Variants in MS4A13 observed in about 807,000 individuals in gnomAD.
The protein encoded by MS4A13 is membrane spanning 4-domains A13, also known as membrane-spanning 4-domains subfamily A member 13.
A neutral mutation model predicts 18.4 loss-of-function variants in MS4A13; 21 were observed. The ratio of observed to expected loss-of-function variants is 1.14; its 90% CI spans 0.81 to 1.64. MS4A13 has a LOEUF of 1.64. Among genes scored for constraint, MS4A13 ranks in the 40% most tolerant of loss-of-function variants. The probability of loss-of-function intolerance (pLI) is 0.00; values close to 1 mark genes in which losing one functional copy is unlikely to be tolerated. For synonymous variants in MS4A13, 62 were observed against 57.2 expected, an observed-to-expected ratio of 1.08 and a Z score of -0.38; for missense variants, 173 against 176.8, an observed-to-expected ratio of 0.98 and a Z score of 0.12.
intron 3 of MS4A13, among the ~76,000 whole-genome samples, chr11:60,521,747 A>G (rs2086675069): frequency 6.6e-6 from 1 of 152,206 alleles, no homozygotes. Flanking sequence ...TCTGCCTGTT[A>G]CCCAGTTCCA....
At chr11:60,518,282 G>A (rs759143661) in intron 3 of MS4A13, 70 bp downstream of exon 3, 3 of 1,321,422 alleles carry the variant, frequency 2.3e-6, no homozygotes, top group Non-Finnish European at 3.1e-6. Flanking sequence ...TAGAAGGTAG[G>A]GAACGGTTTC....
chr11:60,525,370 T>G (rs748044854), intron 5 of MS4A13, 44 bp downstream of exon 5: 9 of 1,355,524 alleles, frequency 6.6e-6, no homozygotes, highest in Non-Finnish European at 8.9e-6. Flanking sequence ...TTAAAATTAT[T>G]CTTTTTAATA....
At position 60,518,183 on chromosome 11, in the gene MS4A13, A is replaced by C; in HGVS notation, c.100A>C (p.Lys34Gln). The C allele has an allele frequency of 6.2e-7, 1 of 1,611,686 alleles. No individual in the cohort carries two copies. The highest frequency in any genetic ancestry group is 8.5e-7 in the Non-Finnish European group (1 of 1,178,516). The change falls in exon 3 of 7, where the codon AAA (lysine) becomes CAA (glutamine). Residue 34 changes from lysine (K) to glutamine (Q), a missense_variant. By Grantham distance (53) the Lys-to-Gln change is moderately conservative. Coordinates refer to ENST00000378186, the MANE Select transcript of MS4A13 (RefSeq NM_001012417.3). Reference sequence around the variant, plus strand: ...TGGAACGTATGAACCTGTAACTTACAAAACAGGATGTACTTTATGGGGAAT... The same window carrying C: ...TGGAACGTATGAACCTGTAACTTACCAAACAGGATGTACTTTATGGGGAAT... ...AFGTYEPVTY[K>Q]TGCTLWGIFF...
At chr11:60,520,959 G>A (rs1048141770) in intron 3 of MS4A13, among the ~76,000 whole-genome samples, 1 of 152,272 alleles carries the variant, frequency 6.6e-6, no homozygotes, top group South Asian at 2.1e-4. Flanking sequence ...TCTAGGCAGA[G>A]GTTCCAAAAC....
At chr11:60,518,537 C>G (rs2086653312) in intron 3 of MS4A13, among the ~76,000 whole-genome samples, 1 of 152,158 alleles carries the variant, frequency 6.6e-6, no homozygotes, top group South Asian at 2.1e-4. Flanking sequence ...ATTATCTTCA[C>G]TTCAGTCTCC....
chr11:60,518,257 T>C (rs753186721), intron 3 of MS4A13, 45 bp downstream of exon 3: 5 of 1,483,686 alleles, frequency 3.4e-6, no homozygotes, highest in South Asian at 2.7e-5. Context: ...CAATAAATAA[T>C]ATTCATGCCA....
chr11:60,519,836 G>A lies in MS4A13; in HGVS notation c.129+1624G>A, dbSNP rs370470224. Among the ~76,000 whole-genome samples the A allele has an allele frequency of 9.7e-4, 148 of 152,312 alleles. 2 individuals carry two copies. The South Asian group carries it at 0.029, about 30-fold the overall frequency. ...AAGAAGAATTTAACAGAGAGTTGAA[G>A]TTCTCAGATTATAGACCCAGGTGGG... is the stretch of plus-strand genomic sequence containing the variant. On this transcript the variant is annotated intron_variant, in intron 3 of 6. Coordinates refer to ENST00000378186, the MANE Select transcript of MS4A13 (RefSeq NM_001012417.3).
In MS4A13 at chr11:60,515,970, A is replaced by C. The variant is rs774747828; in HGVS notation, c.-127A>C. The C allele has an allele frequency of 9.2e-5, 14 of 152,192 alleles. No homozygotes were observed. The highest frequency in any genetic ancestry group is 1.5e-4 in the Non-Finnish European group (10 of 68,028). The allele number at this position is 152,192 out of a possible 1,614,324, so 9.4% of individuals were successfully genotyped here. ...TATGTGCTTTGTACTGTTTTGTAGA[A>C]GTTTGCTAATAAAGACATCACCAAA... On this transcript the variant is annotated splice_region_variant and 5_prime_UTR_variant, in exon 2 of 7. Transcript: ENST00000378186.
chr11:60,529,339 G>C, intron 5 of MS4A13, 26 bp from the exon 6 acceptor site: 2 of 1,248,988 alleles, frequency 1.6e-6, no homozygotes, highest in Non-Finnish European at 2.2e-6. Context: ...ATAGCATTAA[G>C]ATTTCTCCCT....
At position 60,515,524 on chromosome 11, in the gene MS4A13, T is replaced by A. The variant is rs1412501238; in HGVS notation, c.-212T>A. ...CGGGATCTTCCTCTTCATCTAGGCCTGGGCGCTGGCGTGAGAACTCGGACT... is the reference window on the plus strand; with the variant it reads ...CGGGATCTTCCTCTTCATCTAGGCCAGGGCGCTGGCGTGAGAACTCGGACT... On this transcript the variant is annotated 5_prime_UTR_variant, in exon 1 of 7. Transcript: ENST00000378186. 6.6e-6 allele frequency: 1 copy of A among 152,362 alleles called. No homozygotes were observed. The highest frequency in any genetic ancestry group is 1.5e-5 in the Non-Finnish European group (1 of 68,134). 9.4% of individuals were successfully genotyped at this position (152,362 alleles called of 1,614,324 possible).
downstream of MS4A13, among the ~76,000 whole-genome samples, chr11:60,542,976 A>G (rs778490790): frequency 2.0e-5 from 3 of 152,190 alleles, no homozygotes; most frequent in African/African-American, 7.2e-5. Flanking sequence ...AGCACATTTT[A>G]CAGTCTGAGT....
chr11:60,529,883 T>G (rs1258668245), intron 6 of MS4A13, among the ~76,000 whole-genome samples: 3 of 152,214 alleles, frequency 2.0e-5, no homozygotes, highest in Non-Finnish European at 4.4e-5. Context: ...TTCATTGTTT[T>G]TCTTAGTATT....
intron 2 of MS4A13, among the ~76,000 whole-genome samples, chr11:60,517,590 C>T (rs1417657964): frequency 6.6e-6 from 1 of 152,090 alleles, no homozygotes; most frequent in African/African-American, 2.4e-5. Flanking sequence ...TGAAAAAAAT[C>T]ATACCAAATA....
At chr11:60,519,025 A>AC (rs2086656518) in intron 3 of MS4A13, among the ~76,000 whole-genome samples, 1 of 152,206 alleles carries the variant, frequency 6.6e-6, no homozygotes, top group Admixed American at 6.5e-5. Flanking sequence ...GACTGAACCA[A>AC]AAGAAAGAAA....
At chr11:60,540,855 G>A (rs1455143184) in intron 6 of MS4A13, among the ~76,000 whole-genome samples, 1 of 151,604 alleles carries the variant, frequency 6.6e-6, no homozygotes, top group African/African-American at 2.4e-5. Context: ...TTAGGCAGCT[G>A]AGGTGGGAGG....
chr11:60,522,558 C>T (rs576052565), intron 3 of MS4A13, among the ~76,000 whole-genome samples: 2 of 152,180 alleles, frequency 1.3e-5, no homozygotes, highest in African/African-American at 4.8e-5. Context: ...CCCATTGAGA[C>T]AGCAATTAAT....
At chr11:60,517,981 A>G (rs769171570) in intron 2 of MS4A13, 91 bp from the exon 3 acceptor site, 69 of 988,632 alleles carry the variant, frequency 7.0e-5, no homozygotes, top group Admixed American at 1.4e-4. Flanking sequence ...TTGTATTTGT[A>G]AAGGTGTTAA....
intron 5 of MS4A13, among the ~76,000 whole-genome samples, chr11:60,527,610 C>T (rs1316052627): frequency 7.2e-5 from 11 of 152,044 alleles, no homozygotes; most frequent in East Asian, 1.9e-4. Flanking sequence ...CCAAGGCAGG[C>T]GGATCACTTG....
chr11:60,542,445 GA>G, intron 6 of MS4A13, 73 bp from the exon 7 acceptor site: 1 of 1,022,866 alleles, frequency 9.8e-7, no homozygotes, highest in Non-Finnish European at 1.5e-6. Flanking sequence ...TATTTTTTAA[GA>G]AAAAGATCTA....
Sources: gnomAD v4.1 joint callset for allele counts (sites outside exome capture counted in the v4.1 genomes callset) on GRCh38, gnomAD v4.1.1 for gene constraint, MANE v1.5 for transcripts, NCBI Gene and HGNC (gene_info 2026-07-23, HGNC 2026-07-21) for gene names.